Variants in ADAMTS19 observed in about 807,000 individuals in gnomAD.
ADAMTS19 encodes the protein ADAM metallopeptidase with thrombospondin type 1 motif 19.
Under a neutral mutation model 153.3 loss-of-function variants are expected in ADAMTS19, and 93 were observed. That is an observed-to-expected ratio of 0.61 (90% CI 0.51 to 0.72). The LOEUF is 0.72. Among genes scored for constraint, ADAMTS19 ranks in the 30% least tolerant of loss-of-function variants. The pLI, the probability that ADAMTS19 is intolerant of heterozygous loss-of-function variation, is 0.00. For missense variants in ADAMTS19, 1,482 were observed against 1,552.1 expected (o/e 0.95, Z 0.76); for synonymous variants, 600 against 556.6 (o/e 1.08, Z -1.10).
chr5:129,510,820 T>C (rs1319497524), intron 3 of ADAMTS19, among the ~76,000 whole-genome samples: 3 of 150,706 alleles, frequency 2.0e-5, no homozygotes, highest in African/African-American at 7.3e-5. Flanking sequence ...AAATACAGAG[T>C]TCATGTTTGG....
intron 15 of ADAMTS19, among the ~76,000 whole-genome samples, chr5:129,662,608 A>G (rs947078583): frequency 1.3e-5 from 2 of 152,228 alleles, no homozygotes; most frequent in Non-Finnish European, 2.9e-5. Context: ...GAATTTGCAC[A>G]TACTACATCT....
chr5:129,591,147 G>T (rs1212868797), intron 7 of ADAMTS19, among the ~76,000 whole-genome samples: 1 of 151,964 alleles, frequency 6.6e-6, no homozygotes, highest in African/African-American at 2.4e-5. Context: ...CCCATTCAAT[G>T]GTATCACCAA....
intron 2 of ADAMTS19, among the ~76,000 whole-genome samples, chr5:129,486,600 A>C (rs918441809): frequency 6.6e-6 from 1 of 152,186 alleles, no homozygotes; most frequent in Non-Finnish European, 1.5e-5. Flanking sequence ...CTGTTAATGG[A>C]CATTTACAAA....
At chr5:129,472,747 ATAT>A (rs1407992634) in intron 2 of ADAMTS19, among the ~76,000 whole-genome samples, 2 of 151,316 alleles carry the variant, frequency 1.3e-5, no homozygotes, top group African/African-American at 4.8e-5. Context: ...CTGTTTCACA[ATAT>A]TATTATAGTT....
At chr5:129,582,308 G>C (rs577387024) in intron 7 of ADAMTS19, among the ~76,000 whole-genome samples, 2 of 151,544 alleles carry the variant, frequency 1.3e-5, no homozygotes, top group South Asian at 4.2e-4. Flanking sequence ...ATTTAGGATA[G>C]TTAGCTCTTC....
rs146533588 is a variant in ADAMTS19, at chr5:129,574,740, TA to T, written c.1373-21815del. On this transcript the variant is annotated intron_variant, in intron 7 of 22. Coordinates refer to ENST00000274487, the MANE Select transcript of ADAMTS19 (RefSeq NM_133638.6). ...GAGTTTGGATGTATATATAAATTCTTAAAATTTTATTCTCCTCATTTGACCT... is the reference window on the plus strand; with the variant it reads ...GAGTTTGGATGTATATATAAATTCTTAAATTTTATTCTCCTCATTTGACCT... Among the ~76,000 whole-genome samples the T allele has an allele frequency of 7.9e-3, 1,209 of 152,146 alleles. 16 individuals are homozygous for T. The highest frequency in any genetic ancestry group is 0.028 in the African/African-American group (1,158 of 41,548).
At chr5:129,637,751 A>G (rs1479686386) in intron 10 of ADAMTS19, among the ~76,000 whole-genome samples, 1 of 152,168 alleles carries the variant, frequency 6.6e-6, no homozygotes, top group Non-Finnish European at 1.5e-5. Context: ...TGGCTGAGGC[A>G]AGAGAATCGC....
At chr5:129,505,058 G>C (rs1751228603) in intron 2 of ADAMTS19, among the ~76,000 whole-genome samples, 1 of 151,960 alleles carries the variant, frequency 6.6e-6, no homozygotes, top group African/African-American at 2.4e-5. Context: ...TGGAATTGCT[G>C]GATCATGTTT....
intron 21 of ADAMTS19, among the ~76,000 whole-genome samples, chr5:129,710,273 C>T (rs983905027): frequency 2.0e-5 from 3 of 152,114 alleles, no homozygotes; most frequent in Admixed American, 2.0e-4. Context: ...GCTTCCAGGT[C>T]CATCCATGTC....
intron 21 of ADAMTS19, among the ~76,000 whole-genome samples, chr5:129,715,682 G>A (rs909256456): frequency 5.3e-5 from 8 of 152,148 alleles, no homozygotes; most frequent in African/African-American, 1.9e-4. Context: ...TTGTATGGCT[G>A]GTGGTTTGTG....
At chr5:129,471,558 T>C (rs898395881) in intron 2 of ADAMTS19, among the ~76,000 whole-genome samples, 10 of 152,120 alleles carry the variant, frequency 6.6e-5, no homozygotes, top group African/African-American at 9.7e-5. Flanking sequence ...GGTACTTTTT[T>C]TTTAAACTTT....
chr5:129,738,468 T>C lies in ADAMTS19; in HGVS notation c.*1250T>C, dbSNP rs1317363903. ...CTGCCTTGGAAGATAGTATGTCTCTTGGGAGCAAAGGGCAAACATACTTCT... is the reference window on the plus strand; with the variant it reads ...CTGCCTTGGAAGATAGTATGTCTCTCGGGAGCAAAGGGCAAACATACTTCT... On this transcript the variant is annotated 3_prime_UTR_variant, in exon 23 of 23. Transcript: ENST00000274487. The C allele has an allele frequency of 6.6e-6, 1 of 152,028 alleles. No homozygotes were observed. The highest frequency in any genetic ancestry group is 1.5e-5 in the Non-Finnish European group (1 of 67,980). The allele number at this position is 152,028 out of a possible 1,614,324, so 9.4% of individuals were successfully genotyped here. A position where few individuals can be genotyped will look rare whatever the true frequency, so the allele number is the denominator to read the frequency against.
intron 19 of ADAMTS19, 60 bp from the exon 20 acceptor site, chr5:129,701,328 C>A: frequency 6.4e-7 from 1 of 1,574,734 alleles, no homozygotes; most frequent in Non-Finnish European, 8.7e-7. Context: ...TGAGAACAGA[C>A]TAATACAAGT....
intron 16 of ADAMTS19, among the ~76,000 whole-genome samples, chr5:129,666,510 G>C (rs554146811): frequency 3.9e-5 from 6 of 151,928 alleles, no homozygotes; most frequent in Admixed American, 2.6e-4. Flanking sequence ...CTCAGCTTAC[G>C]TGATTGTTTC....
intron 2 of ADAMTS19, among the ~76,000 whole-genome samples, chr5:129,477,859 C>G (rs1750275958): frequency 6.6e-6 from 1 of 152,152 alleles, no homozygotes; most frequent in South Asian, 2.1e-4. Context: ...CAACTGTCTA[C>G]TTAATCCTTC....
At chr5:129,681,992 T>C (rs1007978286) in intron 17 of ADAMTS19, among the ~76,000 whole-genome samples, 18 of 152,314 alleles carry the variant, frequency 1.2e-4, no homozygotes, top group African/African-American at 3.4e-4. Context: ...CTTTAATAAA[T>C]GTAACCTCCC....
At chr5:129,614,644 C>G (rs2126963281) in intron 8 of ADAMTS19, among the ~76,000 whole-genome samples, 1 of 152,230 alleles carries the variant, frequency 6.6e-6, no homozygotes, top group Middle Eastern at 3.4e-3. Context: ...GATGTACTCT[C>G]TCACCACTCC....
intron 7 of ADAMTS19, among the ~76,000 whole-genome samples, chr5:129,569,408 G>A (rs1753822374): frequency 6.6e-6 from 1 of 152,120 alleles, no homozygotes; most frequent in East Asian, 1.9e-4. Flanking sequence ...ACTCCTCTAA[G>A]TAATTGATAA....
chr5:129,659,747 AT>A (rs76200879), intron 15 of ADAMTS19, among the ~76,000 whole-genome samples: 1 of 151,116 alleles, frequency 6.6e-6, no homozygotes, highest in Admixed American at 6.6e-5. Flanking sequence ...TGCCCAGCTA[AT>A]TTTTTTTTAA....
Sources: allele counts gnomAD v4.1 joint callset (sites outside exome capture counted in the v4.1 genomes callset), GRCh38; gene constraint gnomAD v4.1.1; transcripts MANE v1.5; gene names NCBI Gene and HGNC (gene_info 2026-07-23, HGNC 2026-07-21).